The following STK24 variants were observed in gnomAD, a reference collection of about 807,000 sequenced individuals.
STK24 encodes the protein serine/threonine kinase 24.
STK24 carries 21 observed loss-of-function variants against 55.6 expected under a neutral mutation model. The ratio of observed to expected loss-of-function variants is 0.38; its 90% CI spans 0.27 to 0.54. STK24 has a LOEUF of 0.54. Among genes scored for constraint, STK24 ranks in the 20% least tolerant of loss-of-function variants. The pLI, the probability that STK24 is intolerant of heterozygous loss-of-function variation, is 0.79. For synonymous variants in STK24, 200 were observed against 215.2 expected, an observed-to-expected ratio of 0.93 and a Z score of 0.62; for missense variants, 383 against 538.4, an observed-to-expected ratio of 0.71 and a Z score of 2.86.
At position 98,450,496 on chromosome 13, in the gene STK24, G is replaced by GC. The variant is rs2139209727; in HGVS notation, c.*2676dup. ...GAAAATCAGAACCCAGCAAGAAGTG[G>GC]CCAGTGCACCCCAAACCACACTGGT... On this transcript the variant is annotated 3_prime_UTR_variant, in exon 11 of 11. Transcript: ENST00000539966. The GC allele has an allele frequency of 6.6e-6, 1 of 152,364 alleles. No homozygotes were observed. Among genetic ancestry groups the GC allele is most frequent in the South Asian group, 2.1e-4 (1 of 4,818 alleles). 9.4% of individuals were successfully genotyped at this position (152,364 alleles called of 1,614,324 possible).
chr13:98,551,457 T>C lies in STK24; in HGVS notation c.42+25288A>G, dbSNP rs144690561. 2.0e-5 allele frequency among the ~76,000 whole-genome samples: 3 copies of C among 152,116 alleles called. No individual in the cohort carries two copies. In the East Asian group the frequency reaches 5.8e-4, roughly 29 times the overall value. On this transcript the variant is annotated intron_variant, in intron 1 of 10. Transcript: ENST00000539966. ...CCCCCGTCATACTTTCTCTTTTTTT[T>C]TTTTTCTTAGCACCTTTATCCTACT...
chr13:98,503,024 G>GTTTTTTTTTT (rs398038978), intron 2 of STK24, among the ~76,000 whole-genome samples: 3,638 of 106,756 alleles, frequency 0.034, 475 homozygotes, highest in African/African-American at 0.084. Flanking sequence ...CTTTCCATGT[G>GTTTTTTTTTT]TTTTTTTTTT....
rs796097899 is a variant in STK24, at chr13:98,499,234, T to C, written c.274-16913A>G. On this transcript the variant is annotated intron_variant, in intron 2 of 10. Transcript: ENST00000539966. ...ACCTGGGCAACAAAGCAAGACTCTA[T>C]CTCAAAAAAAAAAACCAGCTTCAAG... is the stretch of plus-strand genomic sequence containing the variant. Among the ~76,000 whole-genome samples, 4 of 138,076 alleles carry C rather than the reference T, an allele frequency of 2.9e-5. No homozygotes were observed. In the South Asian group the frequency reaches 9.2e-4, roughly 32 times the overall value. 90.6% of individuals were successfully genotyped at this position (138,076 alleles called of 152,430 possible). A position where few individuals can be genotyped will look rare whatever the true frequency, so the allele number is the denominator to read the frequency against.
At chr13:98,519,619 C>G (rs1216831647) in intron 1 of STK24, 146 bp from the exon 2 acceptor site, 1 of 673,504 alleles carries the variant, frequency 1.5e-6, no homozygotes, top group Non-Finnish European at 2.5e-6. Flanking sequence ...TGGTGGTGAC[C>G]ACAGCTCTGC....
chr13:98,459,552 C>A (rs745332241), intron 9 of STK24, among the ~76,000 whole-genome samples: 14 of 152,352 alleles, frequency 9.2e-5, no homozygotes, highest in African/African-American at 3.4e-4. Flanking sequence ...GGCCGGGGGT[C>A]CCCCGCTGCG....
At chr13:98,576,493 G>A (rs1462583963) in intron 1 of STK24, among the ~76,000 whole-genome samples, 1 of 152,062 alleles carries the variant, frequency 6.6e-6, no homozygotes, top group Non-Finnish European at 1.5e-5. Context: ...CTAGGCGCCC[G>A]CACCCCCACA....
intron 1 of STK24, among the ~76,000 whole-genome samples, chr13:98,541,292 T>A (rs1296631174): frequency 6.6e-6 from 1 of 152,218 alleles, no homozygotes; most frequent in Non-Finnish European, 1.5e-5. Context: ...CCAGTTCATC[T>A]GCATCTCATT....
intron 1 of STK24, among the ~76,000 whole-genome samples, chr13:98,524,745 C>G (rs1464110154): frequency 2.6e-5 from 4 of 152,208 alleles, no homozygotes; most frequent in Non-Finnish European, 4.4e-5. Context: ...CAGGGGTAGA[C>G]AGATGTTCCA....
chr13:98,518,908 G>C (rs1896165553), intron 2 of STK24, among the ~76,000 whole-genome samples: 1 of 152,186 alleles, frequency 6.6e-6, no homozygotes. Flanking sequence ...GTTGGTATGA[G>C]TTTTTAATAC....
intron 10 of STK24, chr13:98,454,052 A>G (rs756156498): frequency 2.0e-5 from 3 of 152,176 alleles, no homozygotes; most frequent in Non-Finnish European, 4.4e-5. Flanking sequence ...TTCAGCCTGT[A>G]TATGTGCACT....
At chr13:98,499,429 C>A (rs1042150820) in intron 2 of STK24, among the ~76,000 whole-genome samples, 1 of 152,104 alleles carries the variant, frequency 6.6e-6, no homozygotes. Context: ...GGAGTGATTG[C>A]GTATGGAAAG....
In STK24 at chr13:98,446,007, A is replaced by G; in HGVS notation, c.*7166T>C. 1 of 848,694 alleles carries G rather than the reference A, an allele frequency of 1.2e-6. No homozygotes were observed. The highest frequency in any genetic ancestry group is 1.9e-6 in the Non-Finnish European group (1 of 516,204). 52.6% of individuals were successfully genotyped at this position (848,694 alleles called of 1,614,324 possible). A position where few individuals can be genotyped will look rare whatever the true frequency, so the allele number is the denominator to read the frequency against. On this transcript the variant is annotated 3_prime_UTR_variant, in exon 11 of 11. Transcript: ENST00000539966. ...CATCCTTCAGTCACGGACATGCCCC[A>G]GCCCAGGGCCCTGGTGCAGGGAGAG...
chr13:98,537,920 C>T lies in STK24; in HGVS notation c.43-18447G>A, dbSNP rs113815642. Among the ~76,000 whole-genome samples, 144 of 152,304 alleles carry T rather than the reference C, an allele frequency of 9.5e-4. 1 individual carries two copies. Among genetic ancestry groups the T allele is most frequent in the African/African-American group, 3.4e-3 (140 of 41,568 alleles). The stretch of plus-strand genomic sequence containing the variant: ...GCTGTGGGATGAACCTGCTGAGGGG[C>T]TCAGGGCTCCGCTGCATGGCCCAAC... On this transcript the variant is annotated intron_variant, in intron 1 of 10. Transcript: ENST00000539966.
At chr13:98,510,099 C>T (rs1895830915) in intron 2 of STK24, among the ~76,000 whole-genome samples, 1 of 152,156 alleles carries the variant, frequency 6.6e-6, no homozygotes, top group South Asian at 2.1e-4. Context: ...ACTCTGTACC[C>T]TCCATCCGAA....
intron 1 of STK24, among the ~76,000 whole-genome samples, chr13:98,538,727 TAA>T (rs539231636): frequency 4.4e-4 from 67 of 152,208 alleles, no homozygotes; most frequent in African/African-American, 1.6e-3. Flanking sequence ...TGCCTTGTGC[TAA>T]ACCCTACCTC....
intron 1 of STK24, among the ~76,000 whole-genome samples, chr13:98,552,820 C>T (rs1236319241): frequency 3.9e-5 from 6 of 152,106 alleles, no homozygotes; most frequent in Admixed American, 2.6e-4. Flanking sequence ...CAAAAGGACA[C>T]GTTTTCAGGA....
chr13:98,446,615 G>A lies in STK24; in HGVS notation c.*6558C>T, dbSNP rs377763482. 1.3e-5 allele frequency: 20 copies of A among 1,596,554 alleles called. No homozygotes were observed. The highest frequency in any genetic ancestry group is 1.6e-5 in the Non-Finnish European group (19 of 1,167,546). On this transcript the variant is annotated 3_prime_UTR_variant, in exon 11 of 11. Transcript: ENST00000539966. ...TGATGCGGGGCAGCAGCCAGGCCCA[G>A]CAGCAGAAGCTGACCCCGAAAAGCC...
chr13:98,465,210 A>T (rs948695629), intron 6 of STK24, among the ~76,000 whole-genome samples: 4 of 152,254 alleles, frequency 2.6e-5, no homozygotes, highest in African/African-American at 9.6e-5. Flanking sequence ...AAGCTTGATT[A>T]CAAGAGCCAA....
rs533028057 is a variant in STK24 at position 98,489,151 on chromosome 13, T to C, written c.274-6830A>G. Among the ~76,000 whole-genome samples the C allele has an allele frequency of 5.3e-5, 8 of 152,304 alleles. No individual in the cohort carries two copies. In the East Asian group the frequency reaches 1.5e-3, roughly 29 times the overall value. On this transcript the variant is annotated intron_variant, in intron 2 of 10. Transcript: ENST00000539966. The stretch of plus-strand genomic sequence containing the variant: ...CAAGGCCTCGCCTATGAGCCTCCAC[T>C]TCCCATTGCCCCCGGGACTAATGTG...
Sources: gnomAD v4.1 joint callset for allele counts (sites outside exome capture counted in the v4.1 genomes callset) on GRCh38, gnomAD v4.1.1 for gene constraint, MANE v1.5 for transcripts, NCBI Gene and HGNC (gene_info 2026-07-23, HGNC 2026-07-21) for gene names.